Variants in RBFOX1 observed in about 807,000 individuals in gnomAD.
RBFOX1 encodes the protein RNA binding protein fox-1 homolog 1.
A neutral mutation model predicts 57.7 loss-of-function variants in RBFOX1; 8 were observed. That is an observed-to-expected ratio of 0.14 (90% confidence interval 0.08 to 0.25). The LOEUF is 0.25. RBFOX1 is among the 10% of genes least tolerant of loss of function. The pLI is 1.00. For missense variants in RBFOX1, 611 were observed against 548.5 expected (o/e 1.11, Z -1.14); for synonymous variants, 326 against 222.4 (o/e 1.47, Z -4.15).
At chr16:7,231,412 A>T (rs903732495) in intron 4 of RBFOX1, among the ~76,000 whole-genome samples, 2 of 152,200 alleles carry the variant, frequency 1.3e-5, no homozygotes, top group Non-Finnish European at 2.9e-5. Context: ...GTTCACTGCA[A>T]CACAGCTCCT....
At chr16:6,797,507 T>G (rs1289837451) in intron 3 of RBFOX1, among the ~76,000 whole-genome samples, 1 of 152,188 alleles carries the variant, frequency 6.6e-6, no homozygotes, top group Admixed American at 6.6e-5. Context: ...TGTTGCTGAT[T>G]TCAGGTTCCT....
At chr16:5,457,892 C>T (rs1207030372) in intron 1 of RBFOX1, among the ~76,000 whole-genome samples, 1 of 152,128 alleles carries the variant, frequency 6.6e-6, no homozygotes, top group African/African-American at 2.4e-5. Context: ...CATAACATGC[C>T]CTCCTTAACT....
intron 1 of RBFOX1, among the ~76,000 whole-genome samples, chr16:6,156,495 C>T (rs2096839395): frequency 1.3e-5 from 2 of 152,210 alleles, no homozygotes. Context: ...GAGAAGGTTT[C>T]TTGATCTTCA....
chr16:5,333,846 T>A (rs571562343), intron 1 of RBFOX1, among the ~76,000 whole-genome samples: 3 of 152,320 alleles, frequency 2.0e-5, no homozygotes, highest in African/African-American at 7.2e-5. Flanking sequence ...GTGTATCATA[T>A]CTCAACATAG....
At chr16:6,630,025 C>T (rs747101020) in intron 2 of RBFOX1, among the ~76,000 whole-genome samples, 1 of 146,888 alleles carries the variant, frequency 6.8e-6, no homozygotes, top group Non-Finnish European at 1.5e-5. Context: ...AAAGATTAAA[C>T]CCCTTAGTGT....
intron 1 of RBFOX1, among the ~76,000 whole-genome samples, chr16:6,272,828 A>G (rs1186516735): frequency 1.3e-5 from 2 of 152,232 alleles, no homozygotes; most frequent in Admixed American, 6.5e-5. Flanking sequence ...AGGCAATTCA[A>G]TAGAGGAAAG....
chr16:6,608,863 C>A (rs1321182899), intron 2 of RBFOX1, among the ~76,000 whole-genome samples: 1 of 152,226 alleles, frequency 6.6e-6, no homozygotes, highest in East Asian at 1.9e-4. Context: ...ATGGTGCCAG[C>A]AGGGCTGTTT....
At chr16:5,391,392 C>T (rs1470073213) in intron 1 of RBFOX1, among the ~76,000 whole-genome samples, 1 of 152,136 alleles carries the variant, frequency 6.6e-6, no homozygotes, top group South Asian at 2.1e-4. Context: ...CATTCCTTCA[C>T]TAGTGGCTTC....
chr16:6,548,264 A>T (rs984133602), intron 2 of RBFOX1, among the ~76,000 whole-genome samples: 5 of 152,212 alleles, frequency 3.3e-5, no homozygotes, highest in African/African-American at 4.8e-5. Context: ...GCAACTGTCA[A>T]AAAAGCTATA....
rs1239832750 is a variant in RBFOX1, at chr16:7,273,200, C to CCCTCCCTT, written c.27+221106_27+221113dup. Among the ~76,000 whole-genome samples, 2 of 53,344 alleles carry CCCTCCCTT rather than the reference C, an allele frequency of 3.7e-5. 1 individual carries two copies. Among genetic ancestry groups the CCCTCCCTT allele is most frequent in the South Asian group, 1.7e-3 (2 of 1,174 alleles). The allele number at this position is 53,344 out of a possible 152,430, so 35.0% of individuals were successfully genotyped here. ...TCCCTTCCTTCCTCCCTTCCTTCCT[C>CCCTCCCTT]CCTCCCTTCCTTCCTTCCTTCCTTC... On this transcript the variant is annotated intron_variant, in intron 4 of 15. Coordinates refer to ENST00000550418, the MANE Select transcript of RBFOX1 (RefSeq NM_018723.4).
chr16:5,955,166 C>T (rs1407948907), intron 4 of RBFOX1, among the ~76,000 whole-genome samples: 1 of 104,592 alleles, frequency 9.6e-6, no homozygotes, highest in Non-Finnish European at 1.8e-5. Flanking sequence ...CCTGTAGTCC[C>T]AGCTTCTCAG....
chr16:5,879,708 G>C (rs1423992331), intron 4 of RBFOX1, among the ~76,000 whole-genome samples: 4 of 152,176 alleles, frequency 2.6e-5, no homozygotes. Flanking sequence ...AATCTCAATG[G>C]CCTACCCAAA....
chr16:7,365,057 T>C (rs1447763108), intron 4 of RBFOX1, among the ~76,000 whole-genome samples: 7 of 152,160 alleles, frequency 4.6e-5, no homozygotes, highest in African/African-American at 9.6e-5. Context: ...CTATCAATCA[T>C]CTATCTATCA....
intron 3 of RBFOX1, among the ~76,000 whole-genome samples, chr16:5,751,223 A>G (rs2053187784): frequency 1.3e-5 from 2 of 152,138 alleles, no homozygotes; most frequent in African/African-American, 2.4e-5. Context: ...TGGTGGAGAG[A>G]TGATGGATTA....
intron 3 of RBFOX1, among the ~76,000 whole-genome samples, chr16:6,846,075 T>A (rs1343439854): frequency 3.3e-5 from 5 of 152,338 alleles, no homozygotes; most frequent in East Asian, 1.9e-4. Flanking sequence ...TCTGTGTCCA[T>A]TCATATTTCT....
intron 2 of RBFOX1, among the ~76,000 whole-genome samples, chr16:6,490,786 T>C (rs1239520374): frequency 4.6e-5 from 7 of 152,224 alleles, no homozygotes; most frequent in African/African-American, 1.2e-4. Context: ...AATCCATTAC[T>C]GTTCTTTATA....
chr16:7,468,113 C>G (rs142332632), intron 4 of RBFOX1, among the ~76,000 whole-genome samples: 169 of 152,276 alleles, frequency 1.1e-3, no homozygotes, highest in African/African-American at 3.8e-3. Flanking sequence ...GTTGAGCTGG[C>G]AAGAAGGTAA....
chr16:7,234,136 G>T (rs568688363), intron 4 of RBFOX1, among the ~76,000 whole-genome samples: 1 of 152,134 alleles, frequency 6.6e-6, no homozygotes, highest in Non-Finnish European at 1.5e-5. Flanking sequence ...GGCCTGTTTT[G>T]CTGGCAGACG....
At chr16:6,166,776 T>C (rs2096920767) in intron 1 of RBFOX1, among the ~76,000 whole-genome samples, 1 of 151,900 alleles carries the variant, frequency 6.6e-6, no homozygotes, top group Non-Finnish European at 1.5e-5. Flanking sequence ...GGTTTTTGTT[T>C]TGTTTTGTTT....
Sources: allele counts gnomAD v4.1 joint callset (sites outside exome capture counted in the v4.1 genomes callset), GRCh38; gene constraint gnomAD v4.1.1; transcripts MANE v1.5; gene names NCBI Gene and HGNC (gene_info 2026-07-23, HGNC 2026-07-21).